The following FER1L6 variants were observed in gnomAD, a reference collection of about 807,000 sequenced individuals.
FER1L6 encodes the protein fer-1 like family member 6, also known as fer-1-like protein 6.
In FER1L6, 177 loss-of-function variants were observed where a neutral mutation model predicts 219.2. The observed-to-expected ratio is 0.81, with a 90% CI of 0.71 to 0.91. The LOEUF (loss-of-function observed/expected upper bound fraction) is 0.91. Ranked by LOEUF, FER1L6 falls within the 40% of genes least tolerant of loss-of-function variation. FER1L6 has a pLI of 0.00. For synonymous variants in FER1L6, 768 were observed against 824.3 expected, an observed-to-expected ratio of 0.93 and a Z score of 1.17; for missense variants, 2,153 against 2,259.9, an observed-to-expected ratio of 0.95 and a Z score of 0.96.
At chr8:123,990,836 AT>A (rs1816821132) in intron 12 of FER1L6, among the ~76,000 whole-genome samples, 1 of 152,016 alleles carries the variant, frequency 6.6e-6, no homozygotes, top group Non-Finnish European at 1.5e-5. Context: ...TCTTCTAGGA[AT>A]TTTGTGGTTT....
At chr8:123,878,518 G>T (rs1448488231) in intron 1 of FER1L6, among the ~76,000 whole-genome samples, 1 of 152,184 alleles carries the variant, frequency 6.6e-6, no homozygotes, top group African/African-American at 2.4e-5. Context: ...TACTGTGAGA[G>T]GCTGGAGGTA....
At chr8:123,971,358 T>C (rs1295230207) in intron 6 of FER1L6, among the ~76,000 whole-genome samples, 3 of 152,118 alleles carry the variant, frequency 2.0e-5, no homozygotes, top group Admixed American at 1.3e-4. Flanking sequence ...GTGGTGCAGG[T>C]GATATTTCAG....
At chr8:123,965,167 C>T (rs1409042163) in intron 3 of FER1L6, among the ~76,000 whole-genome samples, 1 of 152,162 alleles carries the variant, frequency 6.6e-6, no homozygotes, top group Non-Finnish European at 1.5e-5. Flanking sequence ...AAACTAAAGT[C>T]CAAAATTGGG....
chr8:124,064,156 G>A (rs866777706), intron 25 of FER1L6, among the ~76,000 whole-genome samples, 191 bp from the exon 26 acceptor site: 7 of 152,114 alleles, frequency 4.6e-5, no homozygotes, highest in East Asian at 1.9e-4. Flanking sequence ...GCCTTACATC[G>A]TGGTCTTATT....
At chr8:123,899,526 G>A (rs528770057) in intron 1 of FER1L6, among the ~76,000 whole-genome samples, 135 of 152,170 alleles carry the variant, frequency 8.9e-4, no homozygotes, top group African/African-American at 3.1e-3. Context: ...TTAGGTCTCA[G>A]CTATTTGTAT....
chr8:123,900,478 C>G (rs1163392816), intron 1 of FER1L6, among the ~76,000 whole-genome samples: 1 of 152,006 alleles, frequency 6.6e-6, no homozygotes, highest in Non-Finnish European at 1.5e-5. Flanking sequence ...TTTGGATGCC[C>G]TTTATTTCTT....
intron 1 of FER1L6, among the ~76,000 whole-genome samples, chr8:123,889,160 T>A (rs1009995970): frequency 3.9e-5 from 6 of 152,218 alleles, no homozygotes; most frequent in African/African-American, 1.4e-4. Context: ...AAGACTAATT[T>A]AATGTTGTTG....
chr8:124,064,982 G>T (rs543458271), intron 26 of FER1L6, among the ~76,000 whole-genome samples: 1 of 152,314 alleles, frequency 6.6e-6, no homozygotes, highest in Non-Finnish European at 1.5e-5. Context: ...TCTGGAAGGA[G>T]AGATTGACAA....
At chr8:123,927,109 G>A (rs1451953558) in intron 1 of FER1L6, among the ~76,000 whole-genome samples, 1 of 151,002 alleles carries the variant, frequency 6.6e-6, no homozygotes, top group Non-Finnish European at 1.5e-5. Flanking sequence ...AAGAACACTG[G>A]AGCCCAGAGA....
intron 1 of FER1L6, among the ~76,000 whole-genome samples, chr8:123,873,762 A>G (rs991605417): frequency 6.6e-6 from 1 of 152,100 alleles, no homozygotes; most frequent in Admixed American, 6.6e-5. Context: ...CTGTTCTACC[A>G]CAGCATTCCA....
chr8:123,960,800 T>A (rs1471083684), intron 2 of FER1L6, among the ~76,000 whole-genome samples: 1 of 152,166 alleles, frequency 6.6e-6, no homozygotes, highest in Non-Finnish European at 1.5e-5. Context: ...AAACTCTTAA[T>A]GTAATCATAT....
At position 124,095,266 on chromosome 8, in the gene FER1L6, G is replaced by C. The variant is rs73330200; in HGVS notation, c.4695+228G>C. Among the ~76,000 whole-genome samples the C allele has an allele frequency of 8.5e-3, 1,298 of 152,292 alleles. 23 individuals carry two copies. The highest frequency in any genetic ancestry group is 0.029 in the African/African-American group (1,222 of 41,566). ...AACACAAGACAGCTTCCCTCCAACA[G>C]GGAATTATCCAGCCTAAAATGTCAA... is the stretch of plus-strand genomic sequence containing the variant. On this transcript the variant is annotated intron_variant, in intron 35 of 40. Transcript: ENST00000522917.
At chr8:123,955,762 C>T (rs1814985788) in intron 1 of FER1L6, among the ~76,000 whole-genome samples, 1 of 152,138 alleles carries the variant, frequency 6.6e-6, no homozygotes, top group African/African-American at 2.4e-5. Flanking sequence ...CGTGCAATTC[C>T]AGGTGGACCT....
chr8:124,028,905 T>C (rs1818833547), intron 18 of FER1L6, among the ~76,000 whole-genome samples: 1 of 152,214 alleles, frequency 6.6e-6, no homozygotes, highest in Admixed American at 6.5e-5. Flanking sequence ...CTTGCATGTA[T>C]TAGGTATTTG....
intron 1 of FER1L6, among the ~76,000 whole-genome samples, chr8:123,945,619 C>T (rs1274962962): frequency 6.6e-6 from 1 of 152,154 alleles, no homozygotes; most frequent in African/African-American, 2.4e-5. Flanking sequence ...TGATTGGAAG[C>T]TCTTTGTGAG....
intron 18 of FER1L6, among the ~76,000 whole-genome samples, chr8:124,026,490 G>A (rs1392688977): frequency 6.6e-6 from 1 of 152,146 alleles, no homozygotes; most frequent in Non-Finnish European, 1.5e-5. Context: ...GTATATAGAC[G>A]GAGGGGAGGT....
At chr8:123,886,521 C>T (rs951343975) in intron 1 of FER1L6, among the ~76,000 whole-genome samples, 4 of 152,142 alleles carry the variant, frequency 2.6e-5, no homozygotes, top group African/African-American at 7.2e-5. Flanking sequence ...GAGTAGATAC[C>T]AGCCTTATGC....
At chr8:124,042,982 A>G (rs1255509867) in intron 20 of FER1L6, among the ~76,000 whole-genome samples, 1 of 152,130 alleles carries the variant, frequency 6.6e-6, no homozygotes, top group Non-Finnish European at 1.5e-5. Context: ...GCTAAGAGGG[A>G]GCATTAGAGG....
At chr8:123,888,505 T>A (rs1817246775) in intron 1 of FER1L6, among the ~76,000 whole-genome samples, 1 of 152,216 alleles carries the variant, frequency 6.6e-6, no homozygotes, top group Non-Finnish European at 1.5e-5. Flanking sequence ...GAGTTTCATG[T>A]ATTCAGGCAT....
Sources: gnomAD v4.1 joint callset for allele counts (sites outside exome capture counted in the v4.1 genomes callset) on GRCh38, gnomAD v4.1.1 for gene constraint, MANE v1.5 for transcripts, NCBI Gene and HGNC (gene_info 2026-07-23, HGNC 2026-07-21) for gene names.